Variants in MED14 observed in about 807,000 individuals in gnomAD.
MED14 encodes mediator of RNA polymerase II transcription subunit 14.
Under a neutral mutation model 109.0 loss-of-function variants are expected in MED14, and 8 were observed. That is an observed-to-expected ratio of 0.07 (90% CI 0.04 to 0.13). The LOEUF is 0.13. Ranked by LOEUF, MED14 falls within the 10% of genes least tolerant of loss-of-function variation. The pLI is 1.00. For synonymous variants in MED14, 399 were observed against 408.7 expected (o/e 0.98, Z 0.29); for missense variants, 711 against 1,142.4 (o/e 0.62, Z 5.44).
chrX:40,672,534 CGA>C (rs1929765558), intron 22 of MED14, among the ~76,000 whole-genome samples: 3 of 112,167 alleles, frequency 2.7e-5, no homozygotes, highest in African/African-American at 9.7e-5. Flanking sequence ...TAGTGGCAAA[CGA>C]GAGTTTCAGT....
At position 40,714,802 on chromosome X, in the gene MED14, A is replaced by AG. The variant is rs1270539288; in HGVS notation, c.349-93dup. The AG allele has an allele frequency of 3.8e-5, 30 of 787,940 alleles. No homozygotes were observed. In the Admixed American group the frequency reaches 8.8e-4, roughly 23 times the overall value. The allele number at this position is 787,940 out of a possible 1,213,427, so 64.9% of individuals were successfully genotyped here. A position where few individuals can be genotyped will look rare whatever the true frequency, so the allele number is the denominator to read the frequency against. On this transcript the variant is annotated intron_variant, in intron 3 of 30. Coordinates refer to ENST00000324817, the MANE Select transcript of MED14 (RefSeq NM_004229.4). ...TTAAATCATTCCAAAGTAAACTTCA[A>AG]GGGGAATTAGTATCAGTTTTCCATA...
In MED14 at chrX:40,675,299, G is replaced by A. The variant is rs999946636; in HGVS notation, c.2943C>T (p.Asp981=). The change falls in exon 22 of 31, where the codon GAC becomes GAT. Residue 981 remains aspartate (D), a synonymous_variant. Transcript: ENST00000324817. The part of the protein sequence containing the change: ...QDARRRSVNE[D]DNPPSPIGGD... Reference sequence around the variant, plus strand: ...CTCCTATAGGAGAAGGGGGATTATCGTCCTCATTTACAGACCTTCTTCGAG... The same window carrying A: ...CTCCTATAGGAGAAGGGGGATTATCATCCTCATTTACAGACCTTCTTCGAG... 7.5e-6 allele frequency: 9 copies of A among 1,194,350 alleles called. No homozygotes were observed. The highest frequency in any genetic ancestry group is 1.0e-5 in the Non-Finnish European group (9 of 887,412).
chrX:40,676,408 TAGG>T (rs1441555698), intron 21 of MED14, among the ~76,000 whole-genome samples: 3 of 111,744 alleles, frequency 2.7e-5, no homozygotes, highest in Non-Finnish European at 3.8e-5. Context: ...ACAAAAAGAA[TAGG>T]AGAAGAGAAG....
intron 1 of MED14, among the ~76,000 whole-genome samples, chrX:40,732,785 TAA>T (rs1932122217): frequency 1.9e-5 from 2 of 106,306 alleles, no homozygotes; most frequent in Non-Finnish European, 2.0e-5. Flanking sequence ...GTCTCAAAAA[TAA>T]AAAAGAAACA....
intron 12 of MED14, among the ~76,000 whole-genome samples, chrX:40,698,449 T>C (rs931969393): frequency 8.9e-6 from 1 of 112,417 alleles, no homozygotes; most frequent in Non-Finnish European, 1.9e-5. Context: ...TCTATATTAA[T>C]TGCCTGTGTA....
chrX:40,663,798 A>G (rs1393506924), intron 25 of MED14, among the ~76,000 whole-genome samples: 1 of 112,571 alleles, frequency 8.9e-6, no homozygotes, highest in African/African-American at 3.2e-5. Flanking sequence ...CTTCTCTGTT[A>G]TTATGTGTGA....
intron 3 of MED14, among the ~76,000 whole-genome samples, chrX:40,722,315 G>C (rs1332197498): frequency 9.0e-6 from 1 of 111,200 alleles, no homozygotes; most frequent in African/African-American, 3.3e-5. Context: ...AAATGCAATC[G>C]GCATACTGAA....
At chrX:40,682,470 G>T in intron 18 of MED14, 133 bp downstream of exon 18, 1 of 526,383 alleles carries the variant, frequency 1.9e-6, no homozygotes. Flanking sequence ...GAAGTGAAAG[G>T]AATACTTAAG....
chrX:40,730,487 C>T (rs757608678), intron 1 of MED14, among the ~76,000 whole-genome samples: 3 of 111,195 alleles, frequency 2.7e-5, no homozygotes, highest in Non-Finnish European at 3.8e-5. Flanking sequence ...AGAATGAGAA[C>T]GATGGGTATC....
At chrX:40,675,132 C>T in intron 22 of MED14, 89 bp downstream of exon 22, 1 of 891,792 alleles carries the variant, frequency 1.1e-6, no homozygotes, top group Non-Finnish European at 1.5e-6. Context: ...CACCAAGGAC[C>T]TCCTTGTCTT....
chrX:40,710,028 T>A lies in MED14; in HGVS notation c.1124A>T (p.Asp375Val). The stretch of plus-strand genomic sequence containing the variant: ...GGAATCAGAAGCTGGCAAAGGAGGA[T>A]CGTGAAAAATCTGTAAAGGCTTGGA... The part of the protein sequence containing the change: ...DVSKPLQIFH[D>V]PPLPASDSKL... Residue 375 changes from aspartate to valine, a missense_variant, in exon 9 of 31, where the codon GAT becomes GTT. By Grantham distance (152) the Asp-to-Val change is radical. Transcript: ENST00000324817. The A allele has an allele frequency of 8.5e-7, 1 of 1,181,861 alleles. No individual in the cohort carries two copies. The highest frequency in any genetic ancestry group is 1.1e-6 in the Non-Finnish European group (1 of 875,516).
At chrX:40,713,137 A>T in intron 5 of MED14, 95 bp from the exon 6 acceptor site, 3 of 869,087 alleles carry the variant, frequency 3.5e-6, no homozygotes, top group Non-Finnish European at 3.1e-6. Flanking sequence ...ACTTATAAAA[A>T]TTTTTAAATA....
chrX:40,659,135 A>T, intron 28 of MED14, 92 bp downstream of exon 28: 1 of 486,998 alleles, frequency 2.1e-6, no homozygotes, highest in Non-Finnish European at 3.2e-6. Context: ...AGAAGAAACT[A>T]CATAGATGGG....
intron 21 of MED14, among the ~76,000 whole-genome samples, chrX:40,676,210 G>A (rs1425279273): frequency 8.9e-6 from 1 of 111,754 alleles, no homozygotes; most frequent in East Asian, 2.8e-4. Flanking sequence ...CTTGAGCCCG[G>A]GAAGTTGAGG....
chrX:40,690,410 C>T (rs765776376), intron 15 of MED14, among the ~76,000 whole-genome samples: 7 of 111,473 alleles, frequency 6.3e-5, no homozygotes, highest in African/African-American at 2.0e-4. Flanking sequence ...ATCCAGCCCA[C>T]TGCCTGGTTT....
At chrX:40,680,336 GACA>G (rs1315986354) in intron 20 of MED14, among the ~76,000 whole-genome samples, 1 of 111,405 alleles carries the variant, frequency 9.0e-6, no homozygotes, top group Non-Finnish European at 1.9e-5. Flanking sequence ...AGATATAAAA[GACA>G]AAATTATCAG....
chrX:40,655,955 C>A (rs1929039605), intron 28 of MED14, among the ~76,000 whole-genome samples: 1 of 111,437 alleles, frequency 9.0e-6, no homozygotes, highest in Admixed American at 9.5e-5. Context: ...TAACTACATA[C>A]TTTCACAGTA....
upstream of MED14, chrX:40,735,654 C>G (rs1484029375): frequency 1.0e-5 from 5 of 491,549 alleles, no homozygotes; most frequent in African/African-American, 1.2e-4. Context: ...AGCAGGGCGG[C>G]CCCGCAGAGG....
intron 16 of MED14, among the ~76,000 whole-genome samples, chrX:40,687,457 G>A (rs140585341): frequency 0.013 from 1,400 of 111,815 alleles, 7 homozygotes; most frequent in Non-Finnish European, 0.02. Context: ...CCTATCTAAT[G>A]ATGTCAGTTT....
Sources: allele counts gnomAD v4.1 joint callset (sites outside exome capture counted in the v4.1 genomes callset), GRCh38; gene constraint gnomAD v4.1.1; transcripts MANE v1.5; gene names NCBI Gene and HGNC (gene_info 2026-07-23, HGNC 2026-07-21).